ZNF469: variants seen among roughly 807,000 people sequenced by gnomAD.
ZNF469 encodes zinc finger protein 469.
A neutral mutation model predicts 1.0 loss-of-function variants in ZNF469; 1 was observed. The ratio of observed to expected loss-of-function variants is 1.00; its 90% confidence interval spans 0.35 to 4.73. ZNF469 has a LOEUF of 4.73. ZNF469 is among the 30% of genes most tolerant of loss of function. The pLI is 0.16. For synonymous variants in ZNF469, 2,703 were observed against 2,363.4 expected (o/e 1.14, Z -4.17); for missense variants, 6,100 against 5,356.3 (o/e 1.14, Z -4.33).
At chr16:88,200,042 C>G in the ZNF469 span, among the ~76,000 whole-genome samples, 1 of 152,234 alleles carries the variant, frequency 6.6e-6, no homozygotes, top group African/African-American at 2.4e-5. Context: ...CCACCCCCGG[C>G]TTTGGGACGG....
the ZNF469 span, among the ~76,000 whole-genome samples, chr16:88,146,199 G>A: frequency 6.6e-6 from 1 of 152,154 alleles, no homozygotes; most frequent in African/African-American, 2.4e-5. Flanking sequence ...CGACCCACCC[G>A]GGCCCAGGTG....
chr16:88,425,068 G>C (rs1905641099), intron 2 of ZNF469, among the ~76,000 whole-genome samples, 197 bp downstream of exon 2: 1 of 152,190 alleles, frequency 6.6e-6, no homozygotes, highest in African/African-American at 2.4e-5. Flanking sequence ...GAGCCAGCAG[G>C]CGGGCGTGTC....
the ZNF469 span, among the ~76,000 whole-genome samples, chr16:88,139,827 G>A: frequency 2.0e-5 from 3 of 152,218 alleles, no homozygotes; most frequent in Admixed American, 6.5e-5. Flanking sequence ...TGACTGCATG[G>A]TTAGCACAGC....
chr16:88,136,196 G>A, the ZNF469 span, among the ~76,000 whole-genome samples: 1 of 152,306 alleles, frequency 6.6e-6, no homozygotes, highest in Admixed American at 6.5e-5. Context: ...GTTAAGTCAG[G>A]TTCCTCTGCG....
the ZNF469 span, among the ~76,000 whole-genome samples, chr16:88,260,666 G>A: frequency 6.6e-6 from 1 of 152,140 alleles, no homozygotes; most frequent in African/African-American, 2.4e-5. This position sits in a 1 kb window ranked among gnomAD's most constrained non-coding sequence, Gnocchi z 4.1. Context: ...GCTAAATGCC[G>A]TCATTTCTTT....
chr16:88,183,912 AGG>A, the ZNF469 span, among the ~76,000 whole-genome samples: 1 of 151,662 alleles, frequency 6.6e-6, no homozygotes, highest in Non-Finnish European at 1.5e-5. Context: ...GGCTTGGGGG[AGG>A]GAGGTCCTGT....
chr16:88,124,055 G>A, the ZNF469 span, among the ~76,000 whole-genome samples: 1 of 152,270 alleles, frequency 6.6e-6, no homozygotes, highest in East Asian at 1.9e-4. Flanking sequence ...CAGCTGCCTC[G>A]GCCTCCCAAA....
the ZNF469 span, among the ~76,000 whole-genome samples, chr16:88,196,304 G>A: frequency 6.6e-6 from 1 of 152,206 alleles, no homozygotes; most frequent in Non-Finnish European, 1.5e-5. Context: ...GGTGGCCTGG[G>A]TCAGGTCAGG....
At chr16:88,291,866 G>A in the ZNF469 span, among the ~76,000 whole-genome samples, 393 of 152,250 alleles carry the variant, frequency 2.6e-3, 1 homozygote, top group African/African-American at 9.1e-3. Context: ...CCTCCCTGGC[G>A]AGCTGATGTG....
At chr16:88,309,649 G>C in the ZNF469 span, among the ~76,000 whole-genome samples, 3 of 150,936 alleles carry the variant, frequency 2.0e-5, no homozygotes, top group Non-Finnish European at 4.4e-5. Flanking sequence ...CTGATGGGGG[G>C]AGTGCCCTTT....
the ZNF469 span, among the ~76,000 whole-genome samples, chr16:88,287,043 A>T: frequency 6.6e-5 from 10 of 152,078 alleles, no homozygotes; most frequent in African/African-American, 2.4e-4. Flanking sequence ...CTACCCTATA[A>T]CTAGTGTCCC....
chr16:88,161,850 T>G, the ZNF469 span, among the ~76,000 whole-genome samples: 1 of 152,254 alleles, frequency 6.6e-6, no homozygotes, highest in Non-Finnish European at 1.5e-5. Flanking sequence ...ACAGTTTTAC[T>G]GTGCAATGTC....
chr16:88,332,192 C>T, the ZNF469 span, among the ~76,000 whole-genome samples: 9 of 152,246 alleles, frequency 5.9e-5, no homozygotes, highest in Non-Finnish European at 1.3e-4. Flanking sequence ...AACAAAGTTG[C>T]ATTTTTTGAC....
At chr16:88,227,457 C>G in the ZNF469 span, among the ~76,000 whole-genome samples, 1 of 151,978 alleles carries the variant, frequency 6.6e-6, no homozygotes, top group African/African-American at 2.4e-5. Flanking sequence ...CCTCCCTCAG[C>G]TTCTCCCTGT....
chr16:88,194,137 A>G, the ZNF469 span: 1 of 152,084 alleles, frequency 6.6e-6, no homozygotes, highest in Admixed American at 6.6e-5. Context: ...ACAAACCTCC[A>G]AGGCTGGGCT....
At chr16:88,404,496 G>A (rs1056146240) in intron 1 of ZNF469, among the ~76,000 whole-genome samples, 4 of 152,216 alleles carry the variant, frequency 2.6e-5, no homozygotes, top group South Asian at 2.1e-4. Context: ...TTAGGCCTTC[G>A]TGGTGGGGAG....
chr16:88,307,219 A>T, the ZNF469 span, among the ~76,000 whole-genome samples: 84 of 152,376 alleles, frequency 5.5e-4, no homozygotes, highest in African/African-American at 2.0e-3. Context: ...TGCTGAGTAG[A>T]TAGACCACAT....
At chr16:88,143,243 G>A in the ZNF469 span, among the ~76,000 whole-genome samples, 1 of 152,236 alleles carries the variant, frequency 6.6e-6, no homozygotes, top group Admixed American at 6.5e-5. Flanking sequence ...TTCCCCCTGT[G>A]TCAATGGAGA....
the ZNF469 span, among the ~76,000 whole-genome samples, chr16:88,118,559 G>T: frequency 8.0e-3 from 1,225 of 152,324 alleles, 16 homozygotes; most frequent in African/African-American, 0.028. Context: ...GAAGGAGGGT[G>T]ATGGCGCGCA....
Sources: allele counts gnomAD v4.1 joint callset (sites outside exome capture counted in the v4.1 genomes callset), GRCh38; gene constraint gnomAD v4.1.1; non-coding constraint Gnocchi (gnomAD v3.1); transcripts MANE v1.5; gene names NCBI Gene and HGNC (gene_info 2026-07-23, HGNC 2026-07-21).